DCT: variants seen among roughly 807,000 people sequenced by gnomAD.
The protein encoded by DCT is dopachrome tautomerase.
A neutral mutation model predicts 53.0 loss-of-function variants in DCT; 47 were observed. The observed-to-expected ratio is 0.89, with a 90% CI of 0.70 to 1.13. The LOEUF is 1.13. Ranked by LOEUF, DCT falls within the 50% of genes most tolerant of loss-of-function variation. The pLI, the probability that DCT is intolerant of heterozygous loss-of-function variation, is 0.00. For missense variants in DCT, 669 were observed against 637.4 expected, an observed-to-expected ratio of 1.05 and a Z score of -0.53; for synonymous variants, 244 against 237.0, an observed-to-expected ratio of 1.03 and a Z score of -0.27.
At chr13:94,471,308 A>G (rs1185072108) in intron 1 of DCT, among the ~76,000 whole-genome samples, 1 of 152,134 alleles carries the variant, frequency 6.6e-6, no homozygotes, top group African/African-American at 2.4e-5. Context: ...GTTTTTTATA[A>G]TATATCATAT....
In DCT at chr13:94,438,897, G is replaced by C; in HGVS notation, c.*1001C>G. On this transcript the variant is annotated 3_prime_UTR_variant, in exon 8 of 8. Transcript: ENST00000377028. Reference sequence around the variant, plus strand: ...ATCTAACATCAATGCTTAAAAATAAGCCCAGTGCATTATGTGGGAATAATT... The same window carrying C: ...ATCTAACATCAATGCTTAAAAATAACCCCAGTGCATTATGTGGGAATAATT... 4.1e-6 allele frequency: 1 copy of C among 241,814 alleles called. No homozygotes were observed. Among genetic ancestry groups the C allele is most frequent in the Non-Finnish European group, 8.3e-6 (1 of 120,632 alleles). The allele number at this position is 241,814 out of a possible 1,614,324, so 15.0% of individuals were successfully genotyped here.
At chr13:94,465,434 T>C (rs955253791) in intron 4 of DCT, 199 bp downstream of exon 4, 3 of 346,952 alleles carry the variant, frequency 8.6e-6, no homozygotes, top group Admixed American at 1.1e-4. Flanking sequence ...AATTCACAAA[T>C]GTGATTTTGA....
At chr13:94,512,506 ATAAT>A in the DCT span, among the ~76,000 whole-genome samples, 93 of 152,370 alleles carry the variant, frequency 6.1e-4, no homozygotes, top group East Asian at 0.016. Context: ...AATAGGAATT[ATAAT>A]TATTATGGAC....
chr13:94,495,735 G>A, the DCT span, among the ~76,000 whole-genome samples: 2 of 152,118 alleles, frequency 1.3e-5, no homozygotes, highest in South Asian at 4.1e-4. Context: ...CAATTGTGAA[G>A]GATGTACTAT....
chr13:94,546,481 G>C, the DCT span, among the ~76,000 whole-genome samples: 2 of 152,094 alleles, frequency 1.3e-5, no homozygotes, highest in African/African-American at 4.8e-5. This position sits in a 1 kb window ranked among gnomAD's most constrained non-coding sequence, Gnocchi z 4.2. Flanking sequence ...ACGTTACCTA[G>C]TGTCTGGTTT....
the DCT span, among the ~76,000 whole-genome samples, chr13:94,517,566 A>C: frequency 2.6e-5 from 4 of 152,226 alleles, no homozygotes; most frequent in South Asian, 8.3e-4. Flanking sequence ...AAAGACAGCA[A>C]GTCCTAAGTC....
At chr13:94,526,801 C>G in the DCT span, among the ~76,000 whole-genome samples, 3 of 152,208 alleles carry the variant, frequency 2.0e-5, no homozygotes, top group South Asian at 6.2e-4. Context: ...GGAGGGGGAG[C>G]TGAAGCAGGG....
chr13:94,464,965 T>C (rs1419288582), intron 4 of DCT, among the ~76,000 whole-genome samples: 1 of 152,106 alleles, frequency 6.6e-6, no homozygotes, highest in Non-Finnish European at 1.5e-5. Context: ...GCTTCACACA[T>C]GATGTTCCTC....
chr13:94,471,059 A>G (rs1322130710), intron 1 of DCT, among the ~76,000 whole-genome samples: 4 of 152,236 alleles, frequency 2.6e-5, no homozygotes, highest in Admixed American at 2.0e-4. Context: ...TTGGTAAACT[A>G]CAAGTAGCAA....
At chr13:94,477,991 C>G (rs1201515466) in intron 1 of DCT, among the ~76,000 whole-genome samples, 1 of 151,952 alleles carries the variant, frequency 6.6e-6, no homozygotes, top group Admixed American at 6.6e-5. Flanking sequence ...TTTGAAAAAG[C>G]CCCAAAGAGC....
chr13:94,509,522 G>C, the DCT span, among the ~76,000 whole-genome samples: 1 of 151,972 alleles, frequency 6.6e-6, no homozygotes, highest in South Asian at 2.1e-4. Flanking sequence ...TGGCCCTAAA[G>C]TGGGGACAAT....
At chr13:94,492,231 G>T in the DCT span, among the ~76,000 whole-genome samples, 1 of 152,230 alleles carries the variant, frequency 6.6e-6, no homozygotes, top group Non-Finnish European at 1.5e-5. Flanking sequence ...TGACAGCAGA[G>T]AAGCAGCGAG....
chr13:94,472,564 ATATATTTTTTTTTTTTTTTTTTTTTT>A (rs1884803304), intron 1 of DCT, among the ~76,000 whole-genome samples: 10 of 18,058 alleles, frequency 5.5e-4, no homozygotes, highest in Non-Finnish European at 8.0e-4. Flanking sequence ...ATATATATAT[ATATATTTTTTTTTTTTTTTTTTTTTT>A]TTTTTTTTGT....
the DCT span, among the ~76,000 whole-genome samples, chr13:94,518,250 T>C: frequency 9.2e-5 from 14 of 152,194 alleles, no homozygotes; most frequent in East Asian, 1.2e-3. Flanking sequence ...AAAACAATTA[T>C]ACAACCAGGC....
At chr13:94,493,882 T>C in the DCT span, among the ~76,000 whole-genome samples, 1 of 152,192 alleles carries the variant, frequency 6.6e-6, no homozygotes, top group Admixed American at 6.5e-5. Flanking sequence ...TGAACCCTCA[T>C]GTAAACTATG....
At chr13:94,455,381 TAG>T (rs56301019) in intron 6 of DCT, among the ~76,000 whole-genome samples, 126 of 141,646 alleles carry the variant, frequency 8.9e-4, no homozygotes, top group East Asian at 2.0e-3. Context: ...GACTGTCTCT[TAG>T]AGAGAGAGAG....
chr13:94,449,030 G>T (rs904986920), intron 6 of DCT, among the ~76,000 whole-genome samples: 1 of 151,664 alleles, frequency 6.6e-6, no homozygotes, highest in Non-Finnish European at 1.5e-5. Context: ...CCGAATTTTG[G>T]CATATAAACC....
chr13:94,529,608 A>G, the DCT span, among the ~76,000 whole-genome samples: 15 of 152,238 alleles, frequency 9.9e-5, no homozygotes, highest in African/African-American at 3.1e-4. Flanking sequence ...CAAAGACACA[A>G]CATACCAGAA....
chr13:94,544,014 G>A, the DCT span, among the ~76,000 whole-genome samples: 9 of 144,798 alleles, frequency 6.2e-5, no homozygotes, highest in South Asian at 1.1e-3. Flanking sequence ...TGGCCTGGGC[G>A]ACAGAGCAAG....
Sources: gnomAD v4.1 joint callset for allele counts (sites outside exome capture counted in the v4.1 genomes callset) on GRCh38, gnomAD v4.1.1 for gene constraint, Gnocchi (gnomAD v3.1) non-coding constraint, MANE v1.5 for transcripts, NCBI Gene and HGNC (gene_info 2026-07-23, HGNC 2026-07-21) for gene names.